Variants in RPS6KC1 observed in about 807,000 individuals in gnomAD.
RPS6KC1 encodes ribosomal protein S6 kinase C1, also known as inactive ribosomal protein S6 kinase delta-1.
Under a neutral mutation model 103.8 loss-of-function variants are expected in RPS6KC1, and 54 were observed. The observed-to-expected ratio is 0.52, with a 90% confidence interval of 0.42 to 0.65. The LOEUF (loss-of-function observed/expected upper bound fraction) is 0.65. Ranked by LOEUF, RPS6KC1 falls within the 30% of genes least tolerant of loss-of-function variation. RPS6KC1 has a pLI of 0.00. For missense variants in RPS6KC1, 1,151 were observed against 1,253.8 expected, an observed-to-expected ratio of 0.92 and a Z score of 1.24; for synonymous variants, 439 against 438.7, an observed-to-expected ratio of 1.00 and a Z score of -0.01.
the RPS6KC1 span, among the ~76,000 whole-genome samples, chr1:213,393,151 T>C: frequency 1.3e-5 from 2 of 152,202 alleles, no homozygotes; most frequent in Admixed American, 6.5e-5. Flanking sequence ...TGTCCCTTAT[T>C]TTTCTCTTCG....
At chr1:213,075,367 A>G (rs780198241) in intron 2 of RPS6KC1, among the ~76,000 whole-genome samples, 1 of 152,218 alleles carries the variant, frequency 6.6e-6, no homozygotes. Flanking sequence ...TTTTTAAAAT[A>G]TAAAAATAAC....
the RPS6KC1 span, among the ~76,000 whole-genome samples, chr1:213,600,474 G>C: frequency 6.6e-6 from 1 of 152,118 alleles, no homozygotes; most frequent in African/African-American, 2.4e-5. Flanking sequence ...TTCTAATCGG[G>C]CCTATAGGGG....
At chr1:213,843,526 A>C in the RPS6KC1 span, 1 of 152,236 alleles carries the variant, frequency 6.6e-6, no homozygotes, top group African/African-American at 2.4e-5. Context: ...AAGTTCCTTC[A>C]GTGCAGAATA....
intron 1 of RPS6KC1, among the ~76,000 whole-genome samples, chr1:213,057,580 A>ATTTAGCCT (rs1457922853): frequency 6.6e-6 from 1 of 151,950 alleles, no homozygotes; most frequent in Non-Finnish European, 1.5e-5. Flanking sequence ...ATCATATAGT[A>ATTTAGCCT]TTTAGCCTTT....
At position 213,230,835 on chromosome 1, in the gene RPS6KC1, CA is replaced by C. The variant is rs760471422; in HGVS notation, c.1092+312del. Among the ~76,000 whole-genome samples the C allele has an allele frequency of 4.8e-3, 263 of 54,684 alleles. 3 individuals carry two copies. In the East Asian group the frequency reaches 0.048, roughly 10 times the overall value. The allele number at this position is 54,684 out of a possible 152,430, so 35.9% of individuals were successfully genotyped here. Reference sequence around the variant, plus strand: ...GGGCAACAAGAGTGAGACCCTGTCTCAAAAAAAAAAAAAAAAAAAAAGAGTA... The same window carrying C: ...GGGCAACAAGAGTGAGACCCTGTCTCAAAAAAAAAAAAAAAAAAAAGAGTA... On this transcript the variant is annotated intron_variant, in intron 9 of 14. Transcript: ENST00000366960.
the RPS6KC1 span, among the ~76,000 whole-genome samples, chr1:213,784,612 G>A: frequency 6.6e-6 from 1 of 152,206 alleles, no homozygotes; most frequent in Non-Finnish European, 1.5e-5. Flanking sequence ...TGCACAGCAA[G>A]TATGTGGCAG....
chr1:213,482,745 C>A, the RPS6KC1 span, among the ~76,000 whole-genome samples: 1 of 151,750 alleles, frequency 6.6e-6, no homozygotes, highest in South Asian at 2.1e-4. Context: ...AATGGGGTTT[C>A]ACCATGTTGG....
chr1:213,070,500 T>G (rs1188370391), intron 1 of RPS6KC1, among the ~76,000 whole-genome samples: 2 of 152,232 alleles, frequency 1.3e-5, no homozygotes, highest in African/African-American at 4.8e-5. Flanking sequence ...ATTCACAAAT[T>G]GGTCAGCCTC....
At chr1:213,847,037 T>G in the RPS6KC1 span, among the ~76,000 whole-genome samples, 3 of 152,202 alleles carry the variant, frequency 2.0e-5, no homozygotes, top group African/African-American at 7.2e-5. Flanking sequence ...GACCCTCCAG[T>G]GAGAGCTAAG....
At chr1:213,580,900 A>G in the RPS6KC1 span, among the ~76,000 whole-genome samples, 7 of 152,100 alleles carry the variant, frequency 4.6e-5, no homozygotes, top group Admixed American at 4.6e-4. Flanking sequence ...ACCGAAAAAA[A>G]TTCATGTGAT....
the RPS6KC1 span, among the ~76,000 whole-genome samples, chr1:213,470,368 C>T: frequency 1.3e-5 from 2 of 152,048 alleles, no homozygotes; most frequent in African/African-American, 4.8e-5. Context: ...TTTCTTCTAC[C>T]TCTAGTTTGT....
At chr1:213,162,215 T>C (rs184807826) in intron 6 of RPS6KC1, among the ~76,000 whole-genome samples, 9 of 152,326 alleles carry the variant, frequency 5.9e-5, no homozygotes, top group Non-Finnish European at 5.9e-5. Flanking sequence ...CTGCTATCAT[T>C]ATTATTTGGA....
At chr1:213,122,448 CTT>C (rs974682249) in intron 5 of RPS6KC1, among the ~76,000 whole-genome samples, 15 of 152,186 alleles carry the variant, frequency 9.9e-5, no homozygotes, top group Middle Eastern at 3.4e-3. Context: ...AAACTTGACA[CTT>C]TGAGGCAAGA....
the RPS6KC1 span, among the ~76,000 whole-genome samples, chr1:213,542,134 A>G: frequency 6.6e-6 from 1 of 152,220 alleles, no homozygotes; most frequent in East Asian, 1.9e-4. Flanking sequence ...ACATGAGGAC[A>G]GTGACTCTGT....
At chr1:213,663,027 T>G in the RPS6KC1 span, among the ~76,000 whole-genome samples, 1 of 152,184 alleles carries the variant, frequency 6.6e-6, no homozygotes, top group Non-Finnish European at 1.5e-5. Context: ...ACTCTGAGAT[T>G]TATTATAGGC....
At chr1:213,304,192 C>A in the RPS6KC1 span, among the ~76,000 whole-genome samples, 1 of 109,638 alleles carries the variant, frequency 9.1e-6, no homozygotes. Flanking sequence ...GGCGACAGAG[C>A]GAGACTCCAT....
At chr1:213,564,508 G>A in the RPS6KC1 span, among the ~76,000 whole-genome samples, 1 of 152,162 alleles carries the variant, frequency 6.6e-6, no homozygotes, top group Non-Finnish European at 1.5e-5. Context: ...TCAGGGTATA[G>A]GGGTCATTGT....
the RPS6KC1 span, among the ~76,000 whole-genome samples, chr1:213,435,969 C>A: frequency 3.3e-5 from 5 of 152,172 alleles, no homozygotes; most frequent in African/African-American, 4.8e-5. Flanking sequence ...CCCTGCTGCA[C>A]ATCCTGGAAT....
chr1:213,528,812 CAA>C, the RPS6KC1 span, among the ~76,000 whole-genome samples: 1 of 152,134 alleles, frequency 6.6e-6, no homozygotes, highest in African/African-American at 2.4e-5. Context: ...GCCAGAGCGA[CAA>C]ATAAACCACA....
Sources: gnomAD v4.1 joint callset for allele counts (sites outside exome capture counted in the v4.1 genomes callset) on GRCh38, gnomAD v4.1.1 for gene constraint, MANE v1.5 for transcripts, NCBI Gene and HGNC (gene_info 2026-07-23, HGNC 2026-07-21) for gene names.